The following FYB1 variants were observed in gnomAD, a reference collection of about 807,000 sequenced individuals.
FYB1 encodes the protein FYN binding protein 1, also known as FYN-binding protein 1.
A neutral mutation model predicts 94.1 loss-of-function variants in FYB1; 41 were observed. The ratio of observed to expected loss-of-function variants is 0.44; its 90% CI spans 0.34 to 0.57. The LOEUF (loss-of-function observed/expected upper bound fraction) is 0.57. FYB1 is among the 20% of genes least tolerant of loss of function. The pLI is 0.02. For synonymous variants in FYB1, 367 were observed against 353.2 expected, an observed-to-expected ratio of 1.04 and a Z score of -0.44; for missense variants, 1,050 against 976.8, an observed-to-expected ratio of 1.07 and a Z score of -1.00.
intron 2 of FYB1, among the ~76,000 whole-genome samples, chr5:39,179,141 C>G (rs915109452): frequency 2.0e-5 from 3 of 152,160 alleles, no homozygotes; most frequent in Non-Finnish European, 2.9e-5. Flanking sequence ...TCCATTTAAT[C>G]TCTCAAAAAC....
At chr5:39,160,431 A>C (rs1744144545) in intron 2 of FYB1, among the ~76,000 whole-genome samples, 1 of 152,088 alleles carries the variant, frequency 6.6e-6, no homozygotes, top group African/African-American at 2.4e-5. Context: ...AGAATAGTCT[A>C]AGAATGAAGA....
chr5:39,236,475 G>A (rs970211225), intron 1 of FYB1, among the ~76,000 whole-genome samples: 7 of 152,078 alleles, frequency 4.6e-5, no homozygotes, highest in African/African-American at 1.7e-4. Context: ...TGCACATGTG[G>A]CTAGAGGAAT....
intron 1 of FYB1, among the ~76,000 whole-genome samples, chr5:39,264,158 C>T (rs1752331688): frequency 6.6e-6 from 1 of 152,134 alleles, no homozygotes; most frequent in African/African-American, 2.4e-5. Flanking sequence ...GACTTGTTGC[C>T]ATTATTTTCA....
intron 1 of FYB1, among the ~76,000 whole-genome samples, chr5:39,266,154 A>G (rs1330213994): frequency 6.6e-6 from 1 of 152,200 alleles, no homozygotes; most frequent in Non-Finnish European, 1.5e-5. Context: ...AGGACTGTAA[A>G]GTGAGCTGAT....
intron 1 of FYB1, among the ~76,000 whole-genome samples, chr5:39,204,105 A>C (rs1009229701): frequency 6.6e-6 from 1 of 152,040 alleles, no homozygotes; most frequent in African/African-American, 2.4e-5. Context: ...CCCCATACCC[A>C]GGCACATTTC....
At chr5:39,170,132 A>C in intron 2 of FYB1, 1 of 797,758 alleles carries the variant, frequency 1.3e-6, no homozygotes, top group South Asian at 1.3e-5. Context: ...TCAGTTGCTG[A>C]TGAAGTATAA....
chr5:39,137,762 G>T, intron 6 of FYB1, 42 bp from the exon 7 acceptor site: 1 of 1,548,742 alleles, frequency 6.5e-7, no homozygotes, highest in Non-Finnish European at 8.7e-7. Context: ...ATCTGCAGGT[G>T]TTGATGCGTC....
At position 39,170,270 on chromosome 5, in the gene FYB1, C is replaced by T; in HGVS notation, c.1136-16666G>A. ...TCTTTCCTACTGAGAGCTGTTGCAG[C>T]CCCTTGATCAACTCAGTTTAAAAGA... On this transcript the variant is annotated intron_variant, in intron 2 of 18. Coordinates refer to ENST00000512982, the MANE Select transcript of FYB1 (RefSeq NM_001465.6). 5 of 1,321,920 alleles carry T rather than the reference C, an allele frequency of 3.8e-6. No homozygotes were observed. The South Asian group carries it at 6.9e-5, about 18-fold the overall frequency. The allele number at this position is 1,321,920 out of a possible 1,614,324, so 81.9% of individuals were successfully genotyped here. A position where few individuals can be genotyped will look rare whatever the true frequency, so the allele number is the denominator to read the frequency against.
chr5:39,241,395 G>A (rs1333952575), intron 1 of FYB1, among the ~76,000 whole-genome samples: 4 of 152,188 alleles, frequency 2.6e-5, no homozygotes, highest in Non-Finnish European at 4.4e-5. Context: ...CATGGAAAAT[G>A]TAGAGGGGGA....
chr5:39,212,365 G>T (rs1407037952), intron 1 of FYB1, among the ~76,000 whole-genome samples: 2 of 152,060 alleles, frequency 1.3e-5, no homozygotes, highest in Non-Finnish European at 2.9e-5. Flanking sequence ...GTCAATGAGA[G>T]ATCCAGAGTT....
intron 1 of FYB1, among the ~76,000 whole-genome samples, chr5:39,270,141 C>T (rs1315287670): frequency 6.6e-6 from 1 of 152,040 alleles, no homozygotes; most frequent in Non-Finnish European, 1.5e-5. Flanking sequence ...CAAAAGAGGT[C>T]CCTTTGTAAA....
chr5:39,163,557 T>C (rs532102663), intron 2 of FYB1, among the ~76,000 whole-genome samples: 7 of 152,342 alleles, frequency 4.6e-5, no homozygotes, highest in South Asian at 2.1e-4. Flanking sequence ...CAGTTAAAAA[T>C]TCACCTCCCC....
chr5:39,165,910 T>A (rs1448405077), intron 2 of FYB1, among the ~76,000 whole-genome samples: 1 of 152,126 alleles, frequency 6.6e-6, no homozygotes, highest in Non-Finnish European at 1.5e-5. Context: ...GAATTGCAAA[T>A]TAAAACCGCA....
chr5:39,247,914 G>GTTTTT (rs577689403), intron 1 of FYB1, among the ~76,000 whole-genome samples: 1 of 151,784 alleles, frequency 6.6e-6, no homozygotes, highest in Non-Finnish European at 1.5e-5. Flanking sequence ...GTTTTGTTTT[G>GTTTTT]TTTTCAGACA....
chr5:39,252,153 A>T (rs2150613499), intron 1 of FYB1, among the ~76,000 whole-genome samples: 1 of 152,110 alleles, frequency 6.6e-6, no homozygotes, highest in East Asian at 1.9e-4. Flanking sequence ...TCAAAAAAGT[A>T]AATAAATAAA....
At chr5:39,197,164 A>G (rs1364758973) in intron 2 of FYB1, among the ~76,000 whole-genome samples, 1 of 152,226 alleles carries the variant, frequency 6.6e-6, no homozygotes, top group Non-Finnish European at 1.5e-5. Context: ...AATTACTTCT[A>G]ACAAGAAAAA....
intron 2 of FYB1, among the ~76,000 whole-genome samples, chr5:39,159,651 T>C (rs988753458): frequency 6.6e-5 from 10 of 152,124 alleles, no homozygotes; most frequent in Non-Finnish European, 1.3e-4. Context: ...TGCCCTGCAT[T>C]CTAACTGAAA....
At chr5:39,108,285 T>A (rs1334990807) in intron 17 of FYB1, 23 bp from the exon 18 acceptor site, 1 of 1,511,918 alleles carries the variant, frequency 6.6e-7, no homozygotes, top group East Asian at 2.5e-5. Flanking sequence ...AAAAAAATTT[T>A]TATTTTAAAG....
At position 39,106,062 on chromosome 5, in the gene FYB1, A is replaced by G. The variant is rs1363512244; in HGVS notation, c.*1381T>C. ...TGCAATATTAAAATGTGGAGAATGC[A>G]TTAATCATTATTTAATCAATGAGTT... On this transcript the variant is annotated 3_prime_UTR_variant, in exon 19 of 19. Transcript: ENST00000512982. 6.6e-6 allele frequency: 1 copy of G among 152,240 alleles called. No individual in the cohort carries two copies. The highest frequency in any genetic ancestry group is 1.5e-5 in the Non-Finnish European group (1 of 68,032). The allele number at this position is 152,240 out of a possible 1,614,324, so 9.4% of individuals were successfully genotyped here.
Sources: allele counts gnomAD v4.1 joint callset (sites outside exome capture counted in the v4.1 genomes callset), GRCh38; gene constraint gnomAD v4.1.1; transcripts MANE v1.5; gene names NCBI Gene and HGNC (gene_info 2026-07-23, HGNC 2026-07-21).